NUB1: variants seen among roughly 807,000 people sequenced by gnomAD.
NUB1 encodes NEDD8 ultimate buster 1.
A neutral mutation model predicts 77.1 loss-of-function variants in NUB1; 41 were observed. The observed-to-expected ratio is 0.53, with a 90% CI of 0.41 to 0.69. NUB1 has a LOEUF of 0.69. Ranked by LOEUF, NUB1 falls within the 30% of genes least tolerant of loss-of-function variation. The probability of loss-of-function intolerance (pLI) is 0.00; values close to 1 mark genes in which losing one functional copy is unlikely to be tolerated. For synonymous variants in NUB1, 257 were observed against 281.0 expected, an observed-to-expected ratio of 0.91 and a Z score of 0.85; for missense variants, 643 against 743.8, an observed-to-expected ratio of 0.86 and a Z score of 1.58.
In NUB1 at chr7:151,367,115, T is replaced by A; in HGVS notation, c.977T>A (p.Val326Asp). ...NCYGENHQRL[V>D]HIKGNCGKEK... ...TACGGAGAAAATCATCAGAGACTGG[T>A]CCACATAAAAGTATGTTCCTGGAAT... The change falls in exon 9 of 15, where the codon GTC becomes GAC. Residue 326 changes from valine to aspartate, a missense_variant. Physicochemically the swap from Val to Asp is radical, Grantham distance 152. Coordinates refer to ENST00000568733, the MANE Select transcript of NUB1 (RefSeq NM_001243351.2). 4 of 1,612,806 alleles carry A rather than the reference T, an allele frequency of 2.5e-6. No individual in the cohort carries two copies. Among genetic ancestry groups the A allele is most frequent in the Non-Finnish European group, 3.4e-6 (4 of 1,179,152 alleles).
intron 4 of NUB1, chr7:151,352,322 CAGTTTCA>C (rs1363654228): frequency 2.4e-5 from 8 of 337,964 alleles, no homozygotes; most frequent in Non-Finnish European, 1.2e-5. Context: ...TTGTCTCCTA[CAGTTTCA>C]AATAGCCGTC....
chr7:151,374,419 C>T (rs994398963), intron 12 of NUB1, 176 bp downstream of exon 12: 2 of 809,664 alleles, frequency 2.5e-6, no homozygotes, highest in East Asian at 2.7e-5. Context: ...CGTGAGGCCA[C>T]GTGAGGCCCC....
chr7:151,341,933 C>G, intron 1 of NUB1, 87 bp downstream of exon 1: 1 of 1,391,392 alleles, frequency 7.2e-7, no homozygotes, highest in Non-Finnish European at 9.3e-7. Context: ...GGGCACCTCT[C>G]CTGGCCAGGG....
chr7:151,356,350 A>G, intron 7 of NUB1, 128 bp downstream of exon 7: 1 of 715,434 alleles, frequency 1.4e-6, no homozygotes, highest in Non-Finnish European at 2.5e-6. Flanking sequence ...AGCCTCGTAA[A>G]CAGAAAATGT....
In NUB1 at chr7:151,377,157, G is replaced by A. The variant is rs1798339370; in HGVS notation, c.1780G>A (p.Glu594Lys). The A allele has an allele frequency of 1.3e-6, 2 of 1,590,210 alleles. No homozygotes were observed. The highest frequency in any genetic ancestry group is 1.1e-5 in the South Asian group (1 of 87,386). The change falls in exon 15 of 15, where the codon GAA becomes AAA. Residue 594 changes from glutamate to lysine, a missense_variant. Transcript: ENST00000568733. ...CTATCTTGACTCAACTCTGGAAGATGAAGAAATTATTATTGCAGAGTACCT... is the reference window on the plus strand; with the variant it reads ...CTATCTTGACTCAACTCTGGAAGATAAAGAAATTATTATTGCAGAGTACCT... ...EDYLDSTLED[E>K]EIIIAEYLSY... is the part of the protein sequence containing the mutation.
At chr7:151,344,821 G>A (rs933860925) in intron 1 of NUB1, among the ~76,000 whole-genome samples, 6 of 151,760 alleles carry the variant, frequency 4.0e-5, no homozygotes, top group African/African-American at 1.5e-4. Context: ...CCAACATGGC[G>A]AAACCCCGTC....
rs147835858 is a variant in NUB1 at position 151,376,953 on chromosome 7, A to C, written c.1670-94A>C. 93 of 1,407,742 alleles carry C rather than the reference A, an allele frequency of 6.6e-5. No individual in the cohort carries two copies. The East Asian group carries it at 1.6e-3, about 24-fold the overall frequency. 87.2% of individuals were successfully genotyped at this position (1,407,742 alleles called of 1,614,324 possible). ...GGCCGGCCACCTGGACAGTGTGGCC[A>C]GCAAGAGGCACAGTCTGAGGTTGAC... On this transcript the variant is annotated intron_variant, in intron 14 of 14. Coordinates refer to ENST00000568733, the MANE Select transcript of NUB1 (RefSeq NM_001243351.2).
chr7:151,374,847 G>A (rs980644425), intron 12 of NUB1, among the ~76,000 whole-genome samples: 3 of 152,148 alleles, frequency 2.0e-5, no homozygotes, highest in Non-Finnish European at 2.9e-5. Flanking sequence ...TCTCGGCCCC[G>A]CAGGTCAGTG....
intron 7 of NUB1, among the ~76,000 whole-genome samples, chr7:151,358,300 C>T (rs1160478574): frequency 3.3e-5 from 5 of 152,158 alleles, no homozygotes; most frequent in Admixed American, 6.5e-5. Context: ...ATGATGATTA[C>T]TTGCCCACTG....
chr7:151,351,755 G>A (rs1796805333), intron 4 of NUB1, among the ~76,000 whole-genome samples: 1 of 152,174 alleles, frequency 6.6e-6, no homozygotes, highest in Admixed American at 6.5e-5. Context: ...GGCACTTGGT[G>A]CATGTTTGAG....
intron 2 of NUB1, among the ~76,000 whole-genome samples, chr7:151,346,193 A>T (rs1027966947): frequency 6.6e-6 from 1 of 152,188 alleles, no homozygotes; most frequent in Non-Finnish European, 1.5e-5. Context: ...GAGGTGACAA[A>T]CTGTATTAGG....
intron 5 of NUB1, among the ~76,000 whole-genome samples, chr7:151,354,801 T>C (rs994915805): frequency 1.3e-5 from 2 of 152,206 alleles, no homozygotes; most frequent in African/African-American, 4.8e-5. Flanking sequence ...TGGAGTGTGG[T>C]GTGCGATTGC....
intron 9 of NUB1, among the ~76,000 whole-genome samples, chr7:151,367,474 C>T (rs149818337): frequency 7.2e-5 from 11 of 152,236 alleles, no homozygotes; most frequent in Admixed American, 1.3e-4. Context: ...TAATGGTTTA[C>T]GTGAATGAGT....
intron 4 of NUB1, chr7:151,352,292 C>T (rs1024379485): frequency 4.3e-5 from 16 of 372,264 alleles, no homozygotes; most frequent in Non-Finnish European, 7.6e-5. Context: ...AGCAGTAAAA[C>T]GGAAAGTTTA....
intron 8 of NUB1, among the ~76,000 whole-genome samples, chr7:151,365,531 T>C (rs1261546978): frequency 6.6e-6 from 1 of 152,228 alleles, no homozygotes; most frequent in Non-Finnish European, 1.5e-5. Flanking sequence ...CAGGAGAGTC[T>C]TCTGTCACTG....
At chr7:151,376,954 G>C in intron 14 of NUB1, 93 bp from the exon 15 acceptor site, 1 of 1,414,088 alleles carries the variant, frequency 7.1e-7, no homozygotes, top group Non-Finnish European at 9.5e-7. Flanking sequence ...AGTGTGGCCA[G>C]CAAGAGGCAC....
intron 4 of NUB1, chr7:151,352,145 C>T (rs366355): frequency 0.71 from 324,274 of 456,276 alleles, 116,804 homozygotes; most frequent in East Asian, 0.9. Flanking sequence ...GCGTAGAAGA[C>T]CCTGTGGATC....
In NUB1 at chr7:151,377,758, C is replaced by G. The variant is rs539058324; in HGVS notation, c.*533C>G. The G allele has an allele frequency of 6.6e-6, 1 of 152,292 alleles. No homozygotes were observed. Among genetic ancestry groups the G allele is most frequent in the African/African-American group, 2.4e-5 (1 of 41,436 alleles). 9.4% of individuals were successfully genotyped at this position (152,292 alleles called of 1,614,324 possible). ...TCCTTCCAAGTGCTGTGGGGCATAA[C>G]GATGAGGCGCTGGCCTTGGGGGCCA... On this transcript the variant is annotated 3_prime_UTR_variant, in exon 15 of 15. Coordinates refer to ENST00000568733, the MANE Select transcript of NUB1 (RefSeq NM_001243351.2).
At chr7:151,342,583 T>G (rs1483037803) in intron 1 of NUB1, among the ~76,000 whole-genome samples, 2 of 152,236 alleles carry the variant, frequency 1.3e-5, no homozygotes, top group Non-Finnish European at 2.9e-5. Context: ...CTTTTTCAGT[T>G]CTCATTTCAG....
Sources: gnomAD v4.1 joint callset for allele counts (sites outside exome capture counted in the v4.1 genomes callset) on GRCh38, gnomAD v4.1.1 for gene constraint, MANE v1.5 for transcripts, NCBI Gene and HGNC (gene_info 2026-07-23, HGNC 2026-07-21) for gene names.